The following RBFOX1 variants were observed in gnomAD, a reference collection of about 807,000 sequenced individuals.
RBFOX1 encodes the protein RNA binding fox-1 homolog 1.
Under a neutral mutation model 57.7 loss-of-function variants are expected in RBFOX1, and 8 were observed. The observed-to-expected ratio is 0.14, with a 90% CI of 0.08 to 0.25. The LOEUF (loss-of-function observed/expected upper bound fraction) is 0.25, where lower values mean the gene tolerates loss of function less well. RBFOX1 is among the 10% of genes least tolerant of loss of function. The pLI, the probability that RBFOX1 is intolerant of heterozygous loss-of-function variation, is 1.00. For missense variants in RBFOX1, 611 were observed against 548.5 expected, an observed-to-expected ratio of 1.11 and a Z score of -1.14; for synonymous variants, 326 against 222.4, an observed-to-expected ratio of 1.47 and a Z score of -4.15.
intron 3 of RBFOX1, among the ~76,000 whole-genome samples, chr16:5,644,767 T>C (rs573336361): frequency 5.9e-5 from 9 of 152,378 alleles, no homozygotes; most frequent in African/African-American, 1.9e-4. Flanking sequence ...GAATATACCA[T>C]GTTTTGTGTA....
intron 1 of RBFOX1, among the ~76,000 whole-genome samples, chr16:6,040,890 CA>C: frequency 6.6e-6 from 1 of 152,114 alleles, no homozygotes; most frequent in Non-Finnish European, 1.5e-5. Flanking sequence ...CACCACACCC[CA>C]CCCCTTTTTA....
intron 4 of RBFOX1, among the ~76,000 whole-genome samples, chr16:7,491,479 G>C (rs376365388): frequency 6.6e-6 from 1 of 151,322 alleles, no homozygotes; most frequent in African/African-American, 2.4e-5. Flanking sequence ...CAGGTGATGT[G>C]ATCCCTCTGA....
At chr16:7,092,583 T>C (rs1196463487) in intron 4 of RBFOX1, among the ~76,000 whole-genome samples, 1 of 152,224 alleles carries the variant, frequency 6.6e-6, no homozygotes. Context: ...AAATCCTTGC[T>C]AGTTCCTGGT....
chr16:6,334,052 T>C (rs927139426), intron 2 of RBFOX1, among the ~76,000 whole-genome samples: 7 of 152,154 alleles, frequency 4.6e-5, no homozygotes, highest in African/African-American at 1.7e-4. Context: ...TAGAGAAATA[T>C]TTTAACCATT....
chr16:6,856,648 A>G (rs2057960863), intron 3 of RBFOX1, among the ~76,000 whole-genome samples: 1 of 152,168 alleles, frequency 6.6e-6, no homozygotes, highest in East Asian at 1.9e-4. Flanking sequence ...CTTGTGCAGG[A>G]ATATTTATAT....
intron 1 of RBFOX1, among the ~76,000 whole-genome samples, chr16:6,138,031 A>T (rs750646288): frequency 6.6e-6 from 1 of 152,206 alleles, no homozygotes; most frequent in Non-Finnish European, 1.5e-5. Flanking sequence ...CAACGCTTCA[A>T]TCCTAGGTGG....
chr16:5,991,891 G>C (rs1037749858), intron 4 of RBFOX1, among the ~76,000 whole-genome samples: 6 of 151,990 alleles, frequency 3.9e-5, no homozygotes, highest in African/African-American at 1.5e-4. Flanking sequence ...AGCAATGGAA[G>C]GCATTTAAAA....
rs185533174 is a variant in RBFOX1 at position 6,312,881 on chromosome 16, G to T, written c.-126-4114G>T. ...AGTGAGCAAAACCCACACAGCTCCTGCCCTCATGGAGCTAACTAACATGCT... is the reference window on the plus strand; with the variant it reads ...AGTGAGCAAAACCCACACAGCTCCTTCCCTCATGGAGCTAACTAACATGCT... On this transcript the variant is annotated intron_variant, in intron 1 of 15. Coordinates refer to ENST00000550418, the MANE Select transcript of RBFOX1 (RefSeq NM_018723.4). Among the ~76,000 whole-genome samples the T allele has an allele frequency of 5.9e-5, 9 of 152,210 alleles. No homozygotes were observed. The East Asian group carries it at 1.5e-3, about 26-fold the overall frequency.
intron 3 of RBFOX1, among the ~76,000 whole-genome samples, chr16:6,681,276 C>G (rs2058611875): frequency 2.0e-5 from 3 of 152,262 alleles, no homozygotes; most frequent in South Asian, 4.1e-4. Flanking sequence ...CAGGATCACA[C>G]CACTGCACTC....
chr16:6,038,082 G>A (rs776170148), intron 1 of RBFOX1: 9 of 151,758 alleles, frequency 5.9e-5, no homozygotes, highest in African/African-American at 9.7e-5. Context: ...TTTTGGCGGG[G>A]GATTGACTCC....
intron 1 of RBFOX1, among the ~76,000 whole-genome samples, chr16:6,201,294 G>C (rs964238052): frequency 6.6e-6 from 1 of 152,088 alleles, no homozygotes; most frequent in African/African-American, 2.4e-5. Context: ...TCTTTATAAG[G>C]GTTTTCTTTT....
rs201754444 is a variant in RBFOX1 at position 6,591,849 on chromosome 16, AC to A, written c.-63-62751del. 7.4e-3 allele frequency among the ~76,000 whole-genome samples: 1,128 copies of A among 152,230 alleles called. 28 individuals carry two copies. The highest frequency in any genetic ancestry group is 0.026 in the African/African-American group (1,083 of 41,542). On this transcript the variant is annotated intron_variant, in intron 2 of 15. Transcript: ENST00000550418. The stretch of plus-strand genomic sequence containing the variant: ...AGATTAACGTCTTTTACATGAAGGA[AC>A]CCTTTTGAAAGAATTTGGGAAAAGA...
intron 1 of RBFOX1, among the ~76,000 whole-genome samples, chr16:6,184,087 A>G (rs1041169522): frequency 6.6e-6 from 1 of 152,204 alleles, no homozygotes; most frequent in Non-Finnish European, 1.5e-5. Context: ...GACAAAGGAA[A>G]GGGATTTCCC....
At chr16:7,710,374 TAG>T (rs1297727943) in intron 15 of RBFOX1, 3 of 1,358,868 alleles carry the variant, frequency 2.2e-6, no homozygotes, top group Middle Eastern at 2.8e-4. Flanking sequence ...CAGCTTATAA[TAG>T]AGTCCTTTTA....
chr16:6,384,477 A>G (rs1329782457), intron 2 of RBFOX1, among the ~76,000 whole-genome samples: 2 of 152,114 alleles, frequency 1.3e-5, no homozygotes, highest in Non-Finnish European at 2.9e-5. Context: ...GAAGGCTTAA[A>G]CATATTTCCT....
At chr16:6,359,683 A>G (rs1600086955) in intron 2 of RBFOX1, among the ~76,000 whole-genome samples, 1 of 152,094 alleles carries the variant, frequency 6.6e-6, no homozygotes, top group African/African-American at 2.4e-5. Flanking sequence ...CAAGTAAGTC[A>G]CTCTACCAAC....
chr16:6,646,549 C>T (rs1037418519), intron 2 of RBFOX1, among the ~76,000 whole-genome samples: 3 of 152,046 alleles, frequency 2.0e-5, no homozygotes, highest in African/African-American at 2.4e-5. Flanking sequence ...TGATTAACAC[C>T]TGCCACTTCT....
intron 2 of RBFOX1, among the ~76,000 whole-genome samples, chr16:6,492,463 G>T (rs1450316615): frequency 6.6e-6 from 1 of 152,166 alleles, no homozygotes; most frequent in East Asian, 1.9e-4. Context: ...CAGCTATTCA[G>T]GAGGCTGAGG....
chr16:5,465,958 G>A (rs1383667142), intron 1 of RBFOX1, among the ~76,000 whole-genome samples: 1 of 152,174 alleles, frequency 6.6e-6, no homozygotes, highest in Admixed American at 6.5e-5. Context: ...GGGGCACCTT[G>A]TTGAGTCTGG....
Sources: gnomAD v4.1 joint callset for allele counts (sites outside exome capture counted in the v4.1 genomes callset) on GRCh38, gnomAD v4.1.1 for gene constraint, MANE v1.5 for transcripts, NCBI Gene and HGNC (gene_info 2026-07-23, HGNC 2026-07-21) for gene names.